The following LAMA2 variants were observed in gnomAD, a reference collection of about 807,000 sequenced individuals.
The protein encoded by LAMA2 is laminin subunit alpha-2.
Under a neutral mutation model 364.8 loss-of-function variants are expected in LAMA2, and 269 were observed. That is an observed-to-expected ratio of 0.74 (90% CI 0.67 to 0.82). LAMA2 has a LOEUF of 0.82. Among genes scored for constraint, LAMA2 ranks in the 40% least tolerant of loss-of-function variants. LAMA2 has a pLI of 0.00. For missense variants in LAMA2, 3,807 were observed against 3,873.2 expected, an observed-to-expected ratio of 0.98 and a Z score of 0.45; for synonymous variants, 1,379 against 1,370.6, an observed-to-expected ratio of 1.01 and a Z score of -0.14.
chr6:129,404,358 T>A (rs6906956), intron 40 of LAMA2, among the ~76,000 whole-genome samples: 1 of 151,862 alleles, frequency 6.6e-6, no homozygotes, highest in Non-Finnish European at 1.5e-5. Flanking sequence ...GCTATAAAAT[T>A]CACTTTTTAA....
chr6:128,947,074 A>G (rs1780526502), intron 1 of LAMA2, among the ~76,000 whole-genome samples: 2 of 152,216 alleles, frequency 1.3e-5, no homozygotes, highest in South Asian at 2.1e-4. Flanking sequence ...TAGCTTTTCT[A>G]ATTGCAAACA....
chr6:129,382,891 G>T (rs557681899), intron 34 of LAMA2, among the ~76,000 whole-genome samples: 4 of 152,138 alleles, frequency 2.6e-5, no homozygotes, highest in Admixed American at 2.6e-4. Context: ...TATAACAAGC[G>T]TTTTTTAAAA....
intron 1 of LAMA2, among the ~76,000 whole-genome samples, chr6:128,976,775 A>G (rs1782555569): frequency 6.6e-6 from 1 of 152,180 alleles, no homozygotes; most frequent in Non-Finnish European, 1.5e-5. Context: ...TTTAAGGATG[A>G]GTGGGAGACT....
chr6:129,504,766 G>A (rs934269178), intron 60 of LAMA2, among the ~76,000 whole-genome samples: 1 of 152,224 alleles, frequency 6.6e-6, no homozygotes, highest in Non-Finnish European at 1.5e-5. Context: ...TAGGCAAAGG[G>A]ATGTAGCGTA....
intron 3 of LAMA2, among the ~76,000 whole-genome samples, chr6:129,065,702 G>C (rs1297583892): frequency 6.6e-6 from 1 of 152,060 alleles, no homozygotes; most frequent in Non-Finnish European, 1.5e-5. Context: ...TAACCAAGAG[G>C]ATTGCTATGA....
At chr6:129,226,199 C>T (rs1437478523) in intron 12 of LAMA2, among the ~76,000 whole-genome samples, 7 of 152,150 alleles carry the variant, frequency 4.6e-5, no homozygotes, top group Admixed American at 2.0e-4. Flanking sequence ...AGATCTTCCT[C>T]CATCCCTTTA....
intron 12 of LAMA2, among the ~76,000 whole-genome samples, chr6:129,201,004 C>T (rs1782250584): frequency 1.3e-5 from 2 of 152,140 alleles, no homozygotes; most frequent in Non-Finnish European, 2.9e-5. Flanking sequence ...GAGATTTCTG[C>T]TCCTGACCAT....
At position 129,297,758 on chromosome 6, in the gene LAMA2, T is replaced by C; in HGVS notation, c.2930T>C (p.Phe977Ser). The C allele has an allele frequency of 6.2e-7, 1 of 1,614,156 alleles. No individual in the cohort carries two copies. Among genetic ancestry groups the C allele is most frequent in the Non-Finnish European group, 8.5e-7 (1 of 1,179,998 alleles). The part of the protein sequence containing the change: ...CNCNSFGSKS[F>S]DCEESGQCWC... ...TGCAATTCTTTTGGGTCTAAGTCAT[T>C]CGACTGTGAAGAGAGTGGACAATGT... Residue 977 changes from phenylalanine to serine, a missense_variant, in exon 21 of 65, where the codon TTC (phenylalanine) becomes TCC (serine). By Grantham distance (155) the Phe-to-Ser change is radical. Transcript: ENST00000421865.
intron 60 of LAMA2, among the ~76,000 whole-genome samples, chr6:129,504,383 A>G (rs1785891086): frequency 6.6e-6 from 1 of 152,272 alleles, no homozygotes; most frequent in Admixed American, 6.5e-5. Flanking sequence ...ATAATTAGTC[A>G]AATTAATAAC....
intron 56 of LAMA2, among the ~76,000 whole-genome samples, 162 bp downstream of exon 56, chr6:129,486,784 C>T (rs1252989182): frequency 6.6e-6 from 1 of 152,162 alleles, no homozygotes; most frequent in Non-Finnish European, 1.5e-5. Flanking sequence ...TTTCATACTT[C>T]GGGAACCTCA....
intron 51 of LAMA2, among the ~76,000 whole-genome samples, chr6:129,470,567 G>A (rs1165456294): frequency 6.6e-6 from 1 of 151,878 alleles, no homozygotes; most frequent in African/African-American, 2.4e-5. Context: ...AAAGAAGCCA[G>A]AGAGCTTGAC....
At chr6:128,922,572 A>C (rs1778809477) in intron 1 of LAMA2, among the ~76,000 whole-genome samples, 1 of 151,238 alleles carries the variant, frequency 6.6e-6, no homozygotes, top group African/African-American at 2.4e-5. Context: ...TTTTTCTTGT[A>C]AATTTGTTTG....
Position 129,291,721 on chromosome 6 carries a change from G to C in LAMA2, c.2856+1G>C. On this transcript the variant is annotated splice_donor_variant, in intron 20 of 64. Transcript: ENST00000421865. LOFTEE classifies it high-confidence loss of function. ...GGGTCAGAGATGTGACAAATGCAAG[G>C]TAAGGAGTAGAGGCTGACCCATAAA... is the stretch of plus-strand genomic sequence containing the variant. The C allele has an allele frequency of 6.2e-7, 1 of 1,600,558 alleles. No individual in the cohort carries two copies.
intron 1 of LAMA2, among the ~76,000 whole-genome samples, chr6:128,902,974 A>C (rs1039455581): frequency 2.0e-5 from 3 of 152,308 alleles, no homozygotes; most frequent in African/African-American, 7.2e-5. Flanking sequence ...CATAAATATG[A>C]CCAGTCACAA....
intron 54 of LAMA2, among the ~76,000 whole-genome samples, chr6:129,479,403 A>G (rs571937519): frequency 6.6e-6 from 1 of 152,222 alleles, no homozygotes; most frequent in Non-Finnish European, 1.5e-5. Context: ...CTTTGATGCT[A>G]AAGCATCCTA....
intron 4 of LAMA2, among the ~76,000 whole-genome samples, chr6:129,102,281 C>T (rs146473777): frequency 6.9e-4 from 105 of 151,842 alleles, no homozygotes; most frequent in African/African-American, 2.1e-3. Context: ...GGATTACAGG[C>T]GCGTGCCACC....
chr6:129,053,099 A>G (rs1788202886), intron 2 of LAMA2, among the ~76,000 whole-genome samples: 1 of 152,026 alleles, frequency 6.6e-6, no homozygotes, highest in African/African-American at 2.4e-5. Flanking sequence ...TTATTTTGAG[A>G]CGGAGTTTTG....
At chr6:129,508,700 T>G (rs1562636935) in intron 62 of LAMA2, among the ~76,000 whole-genome samples, 2 of 152,216 alleles carry the variant, frequency 1.3e-5, no homozygotes, top group East Asian at 3.8e-4. Flanking sequence ...TGATAGGATC[T>G]CATTCTTTTT....
At chr6:129,005,151 A>T (rs181358904) in intron 1 of LAMA2, among the ~76,000 whole-genome samples, 9 of 152,090 alleles carry the variant, frequency 5.9e-5, no homozygotes, top group Admixed American at 3.3e-4. Context: ...AAAAACATTA[A>T]GGTTTCTTTC....
Sources: allele counts gnomAD v4.1 joint callset (sites outside exome capture counted in the v4.1 genomes callset), GRCh38; gene constraint gnomAD v4.1.1; transcripts MANE v1.5; gene names NCBI Gene and HGNC (gene_info 2026-07-23, HGNC 2026-07-21).